Variants in NTM observed in about 807,000 individuals in gnomAD.
NTM encodes the protein neurotrimin, also known as IgLON family member 2.
In NTM, 13 loss-of-function variants were observed where a neutral mutation model predicts 42.1. That is an observed-to-expected ratio of 0.31 (90% CI 0.20 to 0.49). The LOEUF is 0.49. Among genes scored for constraint, NTM ranks in the 20% least tolerant of loss-of-function variants. The pLI is 0.99. For missense variants in NTM, 373 were observed against 452.8 expected (o/e 0.82, Z 1.60); for synonymous variants, 187 against 179.2 (o/e 1.04, Z -0.35).
Position 131,608,980 on chromosome 11 carries a change from G to T in NTM, c.82+238092G>T, listed in dbSNP as rs185945563. ...TGCAAATAGTAGTTAAAATAATAAT[G>T]TAAAATGTTTTCTTAAACACCAGGG... On this transcript the variant is annotated intron_variant, in intron 1 of 8. Transcript: ENST00000683400. Among the ~76,000 whole-genome samples the T allele has an allele frequency of 6.7e-3, 1,018 of 152,294 alleles. 8 individuals carry two copies. Among genetic ancestry groups the T allele is most frequent in the Non-Finnish European group, 9.2e-3 (627 of 68,024 alleles).
chr11:131,680,268 T>C (rs896568324), intron 1 of NTM, among the ~76,000 whole-genome samples: 3 of 152,202 alleles, frequency 2.0e-5, no homozygotes, highest in Admixed American at 2.0e-4. Flanking sequence ...ATACCAGATA[T>C]GGGCTGTTAG....
At chr11:131,466,518 C>A (rs919967836) in intron 1 of NTM, among the ~76,000 whole-genome samples, 8 of 152,288 alleles carry the variant, frequency 5.3e-5, no homozygotes, top group African/African-American at 1.4e-4. Flanking sequence ...TTGGAACTAA[C>A]CCCTCCCTGG....
rs531094439 is a variant in NTM, at chr11:132,306,932, G to A, written c.527-757G>A. 1.1e-4 allele frequency among the ~76,000 whole-genome samples: 17 copies of A among 152,272 alleles called. No individual in the cohort carries two copies. In the South Asian group the frequency reaches 2.3e-3, roughly 20 times the overall value. ...AGGCACAGAGTCTGGTATGTGAAGC[G>A]TTGTTATTATTACTCATAATTTTTC... is the stretch of plus-strand genomic sequence containing the variant. On this transcript the variant is annotated intron_variant, in intron 4 of 8. Transcript: ENST00000683400.
intron 4 of NTM, among the ~76,000 whole-genome samples, chr11:132,264,341 T>C (rs1234026912): frequency 6.6e-6 from 1 of 152,244 alleles, no homozygotes; most frequent in Non-Finnish European, 1.5e-5. Flanking sequence ...CATTTTTCTA[T>C]TGGGTTGTTT....
intron 8 of NTM, among the ~76,000 whole-genome samples, chr11:132,333,225 T>C: frequency 6.6e-6 from 1 of 152,140 alleles, no homozygotes; most frequent in East Asian, 1.9e-4. Context: ...CTGGGCCATA[T>C]GGACTCAGAA....
At chr11:131,683,912 G>A (rs777750241) in intron 1 of NTM, among the ~76,000 whole-genome samples, 2 of 152,148 alleles carry the variant, frequency 1.3e-5, no homozygotes, top group Non-Finnish European at 2.9e-5. Context: ...TCTGCTGGAG[G>A]GTGGGATGTA....
rs534389285 is a variant in NTM at position 131,661,043 on chromosome 11, G to C, written c.83-250521G>C. The stretch of plus-strand genomic sequence containing the variant: ...GGTGGGAAGAGGTGGAAATGGAAGG[G>C]CACAGGTAGGTGCATACTCAATTCT... On this transcript the variant is annotated intron_variant, in intron 1 of 8. Coordinates refer to ENST00000683400, the MANE Select transcript of NTM (RefSeq NM_001352005.2). The C allele has an allele frequency of 5.4e-5, 70 of 1,304,306 alleles. No individual in the cohort carries two copies. In the East Asian group the frequency reaches 3.5e-3, roughly 65 times the overall value. 80.8% of individuals were successfully genotyped at this position (1,304,306 alleles called of 1,614,324 possible).
chr11:132,077,651 C>T (rs1221073695), intron 2 of NTM, among the ~76,000 whole-genome samples: 1 of 152,224 alleles, frequency 6.6e-6, no homozygotes, highest in African/African-American at 2.4e-5. Context: ...AAGCCCAGAC[C>T]TGCCTGATCC....
intron 1 of NTM, among the ~76,000 whole-genome samples, chr11:131,608,102 T>C (rs1411352546): frequency 3.3e-5 from 5 of 152,162 alleles, no homozygotes; most frequent in Admixed American, 3.3e-4. Context: ...TGTGTCCATG[T>C]GTTCTCATTG....
intron 1 of NTM, among the ~76,000 whole-genome samples, chr11:131,830,287 T>G (rs530332883): frequency 6.6e-6 from 1 of 152,316 alleles, no homozygotes; most frequent in Middle Eastern, 3.4e-3. Flanking sequence ...TCTTCTAGCA[T>G]TCTTATAGTT....
At chr11:131,542,668 A>G (rs2136818297) in intron 1 of NTM, among the ~76,000 whole-genome samples, 1 of 152,054 alleles carries the variant, frequency 6.6e-6, no homozygotes, top group African/African-American at 2.4e-5. Flanking sequence ...AATCCCCCCT[A>G]CTTCCACTAG....
chr11:131,916,363 GC>G (rs2056359230), intron 2 of NTM, among the ~76,000 whole-genome samples: 1 of 152,244 alleles, frequency 6.6e-6, no homozygotes, highest in African/African-American at 2.4e-5. Flanking sequence ...CTAGTAAAGT[GC>G]ATTCTTTCCT....
intron 1 of NTM, among the ~76,000 whole-genome samples, chr11:131,868,274 A>C (rs997099443): frequency 6.6e-6 from 1 of 151,610 alleles, no homozygotes; most frequent in Non-Finnish European, 1.5e-5. Flanking sequence ...GCAGCCACCC[A>C]CCCTTTTTTG....
At chr11:131,698,469 C>T (rs2075719794) in intron 1 of NTM, among the ~76,000 whole-genome samples, 1 of 152,138 alleles carries the variant, frequency 6.6e-6, no homozygotes, top group Non-Finnish European at 1.5e-5. Flanking sequence ...TCCATGAATG[C>T]CTCATTTCAC....
At chr11:131,512,339 T>A (rs535342597) in intron 1 of NTM, among the ~76,000 whole-genome samples, 3 of 152,348 alleles carry the variant, frequency 2.0e-5, no homozygotes, top group South Asian at 4.1e-4. Flanking sequence ...TGCCAGCTCC[T>A]ACTGCAAGGC....
At chr11:132,148,393 T>A (rs554849195) in intron 3 of NTM, among the ~76,000 whole-genome samples, 7 of 152,266 alleles carry the variant, frequency 4.6e-5, no homozygotes, top group Non-Finnish European at 1.0e-4. Context: ...GGTGCCACCA[T>A]CTGCATACTC....
chr11:131,946,986 G>A (rs990808110), intron 2 of NTM, among the ~76,000 whole-genome samples: 4 of 152,136 alleles, frequency 2.6e-5, no homozygotes, highest in African/African-American at 9.7e-5. Context: ...AAAAGCTTAT[G>A]AAATATTGAA....
intron 1 of NTM, among the ~76,000 whole-genome samples, chr11:131,876,467 C>T (rs376041134): frequency 6.6e-6 from 1 of 152,238 alleles, no homozygotes; most frequent in East Asian, 1.9e-4. Context: ...TCCTATTACT[C>T]TCCTGATGTG....
intron 1 of NTM, among the ~76,000 whole-genome samples, chr11:131,817,500 A>G (rs887613184): frequency 2.0e-5 from 3 of 152,164 alleles, no homozygotes; most frequent in Non-Finnish European, 2.9e-5. Context: ...TTGACTTACA[A>G]CTGGGCACCT....
Sources: gnomAD v4.1 joint callset for allele counts (sites outside exome capture counted in the v4.1 genomes callset) on GRCh38, gnomAD v4.1.1 for gene constraint, MANE v1.5 for transcripts, NCBI Gene and HGNC (gene_info 2026-07-23, HGNC 2026-07-21) for gene names.